The following TMCO6 variants were observed in gnomAD, a reference collection of about 807,000 sequenced individuals.
TMCO6 encodes transmembrane and coiled-coil domain-containing protein 6.
TMCO6 carries 47 observed loss-of-function variants against 61.8 expected under a neutral mutation model. That is an observed-to-expected ratio of 0.76 (90% confidence interval 0.60 to 0.97). The LOEUF is 0.97. TMCO6 is among the 50% of genes least tolerant of loss of function. The pLI, the probability that TMCO6 is intolerant of heterozygous loss-of-function variation, is 0.00. For missense variants in TMCO6, 557 were observed against 601.6 expected, an observed-to-expected ratio of 0.93 and a Z score of 0.78; for synonymous variants, 261 against 254.2, an observed-to-expected ratio of 1.03 and a Z score of -0.25.
chr5:140,641,751 G>A lies in TMCO6; in HGVS notation c.285G>A (p.Gln95=), dbSNP rs1428605690. The change falls in exon 3 of 12, where the codon CAG becomes CAA. Residue 95 remains glutamine (Q), a synonymous_variant. Transcript: ENST00000394671. ...GALVSLRRGL[Q]HPETQQTFIR... ...TGGTCAGCCTTCGTCGAGGCTTGCA[G>A]CACCCTGAAACACAGCAAACCTTCA... The A allele has an allele frequency of 6.2e-7, 1 of 1,614,244 alleles. No homozygotes were observed. Among genetic ancestry groups the A allele is most frequent in the Admixed American group, 1.7e-5 (1 of 60,030 alleles).
upstream of TMCO6, among the ~76,000 whole-genome samples, chr5:140,634,648 G>C (rs1756723576): frequency 6.6e-6 from 1 of 151,874 alleles, no homozygotes; most frequent in Non-Finnish European, 1.5e-5. Flanking sequence ...ACCATGCCCG[G>C]CTAATTTTTG....
At chr5:140,635,033 C>T (rs201471389), upstream of TMCO6, among the ~76,000 whole-genome samples, 6 of 151,212 alleles carry the variant, frequency 4.0e-5, no homozygotes, top group East Asian at 5.9e-4. Context: ...TCACCTGCCT[C>T]GGCCTCCCAA....
chr5:140,640,361 C>A (rs1273612031), intron 2 of TMCO6, among the ~76,000 whole-genome samples: 1 of 151,920 alleles, frequency 6.6e-6, no homozygotes, highest in Non-Finnish European at 1.5e-5. Flanking sequence ...CTACGTCTAA[C>A]GTTCGTTTCT....
At chr5:140,621,317 T>C in the TMCO6 span, among the ~76,000 whole-genome samples, 1 of 152,208 alleles carries the variant, frequency 6.6e-6, no homozygotes, top group Non-Finnish European at 1.5e-5. Context: ...ATTGTGAAGA[T>C]TTCGTGGACA....
At chr5:140,639,709 C>T in intron 1 of TMCO6, 30 bp from the exon 2 acceptor site, 4 of 1,564,864 alleles carry the variant, frequency 2.6e-6, no homozygotes, top group Non-Finnish European at 3.5e-6. Context: ...GGTCGTCCTT[C>T]CCACGCTCAG....
chr5:140,634,056 G>A, the TMCO6 span, among the ~76,000 whole-genome samples: 23 of 152,112 alleles, frequency 1.5e-4, no homozygotes, highest in African/African-American at 5.6e-4. Flanking sequence ...CCAAAGTGCT[G>A]GGATTACAGG....
chr5:140,610,236 A>G, the TMCO6 span, among the ~76,000 whole-genome samples: 1 of 147,798 alleles, frequency 6.8e-6, no homozygotes, highest in South Asian at 2.2e-4. Flanking sequence ...ATGTGCCTGT[A>G]GTCCCAGCTA....
At chr5:140,633,018 C>G in the TMCO6 span, 7 of 1,614,152 alleles carry the variant, frequency 4.3e-6, no homozygotes, top group Non-Finnish European at 5.9e-6. Context: ...CCCCATCCAA[C>G]CCCTGTGGCT....
At chr5:140,604,780 C>CTTTT in the TMCO6 span, among the ~76,000 whole-genome samples, 110 of 124,726 alleles carry the variant, frequency 8.8e-4, no homozygotes, top group African/African-American at 3.0e-3. Flanking sequence ...TGTCATTTCT[C>CTTTT]TTTTTTTTTT....
At chr5:140,634,208 C>T in the TMCO6 span, among the ~76,000 whole-genome samples, 1 of 152,156 alleles carries the variant, frequency 6.6e-6, no homozygotes, top group South Asian at 2.1e-4. Flanking sequence ...AATCAGTTTT[C>T]CCACTTGCAC....
At chr5:140,629,194 C>T in the TMCO6 span, among the ~76,000 whole-genome samples, 2 of 151,910 alleles carry the variant, frequency 1.3e-5, no homozygotes, top group African/African-American at 4.8e-5. Flanking sequence ...ACTTGAACCC[C>T]AGATGCAGAA....
upstream of TMCO6, among the ~76,000 whole-genome samples, chr5:140,634,858 C>T (rs975723240): frequency 2.6e-5 from 4 of 152,182 alleles, no homozygotes; most frequent in African/African-American, 9.7e-5. Context: ...TCTCAGCTCA[C>T]TGCAATCTCC....
chr5:140,632,745 C>A, the TMCO6 span: 1 of 1,613,374 alleles, frequency 6.2e-7, no homozygotes, highest in Non-Finnish European at 8.5e-7. This position sits in a 1 kb window ranked among gnomAD's most constrained non-coding sequence, Gnocchi z 6.2. Context: ...AGCATACTGC[C>A]GCGGGTCGGC....
rs1757179313 is a variant in TMCO6, at chr5:140,643,507, C to T, written c.807-57C>T. 3 of 1,531,722 alleles carry T rather than the reference C, an allele frequency of 2.0e-6. No individual in the cohort carries two copies. The South Asian group carries it at 3.4e-5, about 17-fold the overall frequency. The allele number at this position is 1,531,722 out of a possible 1,614,324, so 94.9% of individuals were successfully genotyped here. A position where few individuals can be genotyped will look rare whatever the true frequency, so the allele number is the denominator to read the frequency against. On this transcript the variant is annotated intron_variant, in intron 7 of 11. Transcript: ENST00000394671. ...CCACCACGCCTAGGCAACTGCTTCTCTTCTTAAAGGTGGAATTGACTATAT... is the reference window on the plus strand; with the variant it reads ...CCACCACGCCTAGGCAACTGCTTCTTTTCTTAAAGGTGGAATTGACTATAT...
downstream of TMCO6, chr5:140,647,357 A>C (rs1757463948): frequency 6.2e-7 from 1 of 1,609,822 alleles, no homozygotes; most frequent in Non-Finnish European, 8.5e-7. Flanking sequence ...TTTCTCAATG[A>C]AGTCCCTGCG....
At chr5:140,628,798 G>T in the TMCO6 span, among the ~76,000 whole-genome samples, 1 of 152,114 alleles carries the variant, frequency 6.6e-6, no homozygotes, top group Non-Finnish European at 1.5e-5. Context: ...TGTGCTGGGG[G>T]TCCATTATTA....
chr5:140,625,289 T>C, the TMCO6 span, among the ~76,000 whole-genome samples: 3 of 152,232 alleles, frequency 2.0e-5, no homozygotes, highest in African/African-American at 7.2e-5. Flanking sequence ...TTTGTCAGTA[T>C]CCTCAGGTGG....
the TMCO6 span, chr5:140,631,994 G>T: frequency 1.8e-5 from 29 of 1,613,924 alleles, no homozygotes; most frequent in Non-Finnish European, 2.3e-5. Flanking sequence ...GGACCAGGAA[G>T]GGATTCCCGT....
the TMCO6 span, among the ~76,000 whole-genome samples, chr5:140,628,120 T>A: frequency 6.6e-6 from 1 of 151,632 alleles, no homozygotes; most frequent in African/African-American, 2.4e-5. Context: ...GTGATTCTCC[T>A]GCCTCAGCCT....
Sources: allele counts gnomAD v4.1 joint callset (sites outside exome capture counted in the v4.1 genomes callset), GRCh38; gene constraint gnomAD v4.1.1; non-coding constraint Gnocchi (gnomAD v3.1); transcripts MANE v1.5; gene names NCBI Gene and HGNC (gene_info 2026-07-23, HGNC 2026-07-21).